RAPGEF4: variants seen among roughly 807,000 people sequenced by gnomAD.
RAPGEF4 encodes the protein Rap guanine nucleotide exchange factor 4.
A neutral mutation model predicts 147.9 loss-of-function variants in RAPGEF4; 66 were observed. That is an observed-to-expected ratio of 0.45 (90% confidence interval 0.37 to 0.55). The LOEUF is 0.55. Ranked by LOEUF, RAPGEF4 falls within the 20% of genes least tolerant of loss-of-function variation. RAPGEF4 has a pLI of 0.00. For synonymous variants in RAPGEF4, 419 were observed against 442.7 expected (o/e 0.95, Z 0.67); for missense variants, 1,071 against 1,257.3 (o/e 0.85, Z 2.24).
At chr2:172,965,283 C>T in intron 8 of RAPGEF4, 1 of 401,878 alleles carries the variant, frequency 2.5e-6, no homozygotes, top group Non-Finnish European at 4.5e-6. Context: ...GACAATCTCC[C>T]CCTCTAGCGG....
At chr2:172,791,676 T>C (rs545490912) in intron 1 of RAPGEF4, among the ~76,000 whole-genome samples, 73 of 152,292 alleles carry the variant, frequency 4.8e-4, no homozygotes, top group African/African-American at 1.6e-3. Flanking sequence ...CACACAAAAA[T>C]ATCAGGAGAA....
At chr2:172,823,385 A>G (rs1272112228) in intron 4 of RAPGEF4, among the ~76,000 whole-genome samples, 1 of 152,172 alleles carries the variant, frequency 6.6e-6, no homozygotes, top group African/African-American at 2.4e-5. Flanking sequence ...TTGTGATTCC[A>G]AATGTCTGGG....
intron 1 of RAPGEF4, among the ~76,000 whole-genome samples, chr2:172,762,119 A>C (rs1696407631): frequency 6.6e-6 from 1 of 152,212 alleles, no homozygotes; most frequent in Non-Finnish European, 1.5e-5. Flanking sequence ...CGTCTCAAAC[A>C]AACAAACAAA....
At chr2:172,874,418 G>T (rs189010235) in intron 4 of RAPGEF4, among the ~76,000 whole-genome samples, 2 of 152,018 alleles carry the variant, frequency 1.3e-5, no homozygotes, top group South Asian at 2.1e-4. Context: ...CCCACAACAG[G>T]CCCCGGTGTG....
chr2:172,977,971 T>C (rs1867941), intron 10 of RAPGEF4, among the ~76,000 whole-genome samples: 132,949 of 151,842 alleles, frequency 0.88, 59,263 homozygotes, highest in East Asian at 1. Context: ...TTGTTCTTGC[T>C]GTGCTTCTCT....
chr2:172,993,955 C>T (rs1453136333), intron 15 of RAPGEF4, among the ~76,000 whole-genome samples: 5 of 152,350 alleles, frequency 3.3e-5, no homozygotes, highest in South Asian at 2.1e-4. Flanking sequence ...GAGAGGTGAT[C>T]AGGCATCTGG....
intron 4 of RAPGEF4, among the ~76,000 whole-genome samples, chr2:172,838,054 G>C (rs762145520): frequency 1.3e-5 from 2 of 152,120 alleles, no homozygotes; most frequent in African/African-American, 2.4e-5. Context: ...CTTTGGAAAA[G>C]AGCACCCTCT....
intron 4 of RAPGEF4, among the ~76,000 whole-genome samples, chr2:172,816,393 G>T (rs951157928): frequency 6.6e-6 from 1 of 151,606 alleles, no homozygotes; most frequent in African/African-American, 2.4e-5. Context: ...TTTTTTCATG[G>T]TATCTTTTTT....
intron 3 of RAPGEF4, among the ~76,000 whole-genome samples, chr2:172,810,962 G>A (rs1377935417): frequency 1.3e-5 from 2 of 152,312 alleles, no homozygotes; most frequent in South Asian, 4.1e-4. Context: ...TGGGAAATAT[G>A]ATAACAGAAT....
At chr2:172,861,534 C>A (rs1694048421) in intron 4 of RAPGEF4, among the ~76,000 whole-genome samples, 1 of 152,102 alleles carries the variant, frequency 6.6e-6, no homozygotes, top group African/African-American at 2.4e-5. Flanking sequence ...CCCTGGCGAG[C>A]CTAGGTGTTT....
intron 6 of RAPGEF4, among the ~76,000 whole-genome samples, chr2:172,933,257 G>C (rs1204731750): frequency 6.6e-6 from 1 of 152,058 alleles, no homozygotes; most frequent in African/African-American, 2.4e-5. Context: ...CAGTGGAGGG[G>C]TGGAAAGTGT....
rs4972859 is a variant in RAPGEF4 at position 172,801,637 on chromosome 2, C to T, written c.297+4024C>T. On this transcript the variant is annotated intron_variant, in intron 3 of 30. Transcript: ENST00000397081. Reference sequence around the variant, plus strand: ...CTCATTTTAGAGGCTAGATATTCAACAGCTTGCCCAAGGTCATAAAGCTGC... The same window carrying T: ...CTCATTTTAGAGGCTAGATATTCAATAGCTTGCCCAAGGTCATAAAGCTGC... 3.9e-3 allele frequency among the ~76,000 whole-genome samples: 553 copies of T among 143,066 alleles called. 13 individuals carry two copies. The highest frequency in any genetic ancestry group is 0.031 in the Admixed American group (440 of 14,226). The allele number at this position is 143,066 out of a possible 152,430, so 93.9% of individuals were successfully genotyped here.
At chr2:172,988,929 G>C in intron 14 of RAPGEF4, 90 bp downstream of exon 14, 1 of 1,394,498 alleles carries the variant, frequency 7.2e-7, no homozygotes. Context: ...TAATTGAGTA[G>C]TCCTGTGATG....
At chr2:173,037,806 C>A (rs1321962540) in intron 29 of RAPGEF4, among the ~76,000 whole-genome samples, 1 of 152,130 alleles carries the variant, frequency 6.6e-6, no homozygotes, top group Non-Finnish European at 1.5e-5. Flanking sequence ...GAGTCGGTTT[C>A]CCCAACAGAA....
In RAPGEF4 at chr2:172,973,142, C is replaced by A. The variant is rs1235209368; in HGVS notation, c.1004+5698C>A. Among the ~76,000 whole-genome samples the A allele has an allele frequency of 3.4e-5, 5 of 148,568 alleles. No individual in the cohort carries two copies. In the Admixed American group the frequency reaches 3.4e-4, roughly 10 times the overall value. ...TTTTTTCTTTTTTTGAGACAGGGTC[C>A]CACTCTGTCACCCAGGCTGGAGTGC... On this transcript the variant is annotated intron_variant, in intron 10 of 30. Coordinates refer to ENST00000397081, the MANE Select transcript of RAPGEF4 (RefSeq NM_007023.4).
chr2:172,854,036 A>G (rs1189336443), intron 4 of RAPGEF4, among the ~76,000 whole-genome samples: 3 of 152,018 alleles, frequency 2.0e-5, no homozygotes, highest in East Asian at 1.9e-4. Context: ...TGGTAAATCT[A>G]TCATGCACAC....
At chr2:172,804,079 C>G (rs1452392180) in intron 3 of RAPGEF4, among the ~76,000 whole-genome samples, 1 of 151,850 alleles carries the variant, frequency 6.6e-6, no homozygotes, top group African/African-American at 2.4e-5. Context: ...GGTGGGGACA[C>G]AGCCAAACTG....
Position 173,014,594 on chromosome 2 carries a change from G to T in RAPGEF4, c.1789G>T (p.Val597Leu), listed in dbSNP as rs760538481. 1.2e-6 allele frequency: 2 copies of T among 1,613,780 alleles called. No individual in the cohort carries two copies. Among genetic ancestry groups the T allele is most frequent in the Non-Finnish European group, 1.7e-6 (2 of 1,179,894 alleles). The part of the protein sequence containing the change: ...MYGDLLQEDD[V>L]SMAFLEEFYV... ...TGGAGACCTCCTGCAAGAGGATGAC[G>T]TGTCTATGGCCTTCCTGGAGGTAGG... The change falls in exon 18 of 31, where the codon GTG becomes TTG. Residue 597 changes from valine (V) to leucine (L), a missense_variant. Physicochemically the swap from Val to Leu is conservative, Grantham distance 32 (BLOSUM62 1). Coordinates refer to ENST00000397081, the MANE Select transcript of RAPGEF4 (RefSeq NM_007023.4).
intron 4 of RAPGEF4, among the ~76,000 whole-genome samples, chr2:172,881,683 G>C (rs1328189655): frequency 6.6e-6 from 1 of 152,148 alleles, no homozygotes; most frequent in Admixed American, 6.5e-5. Context: ...TGTCAGCAAG[G>C]CTTAAATAGT....
Sources: gnomAD v4.1 joint callset for allele counts (sites outside exome capture counted in the v4.1 genomes callset) on GRCh38, gnomAD v4.1.1 for gene constraint, MANE v1.5 for transcripts, NCBI Gene and HGNC (gene_info 2026-07-23, HGNC 2026-07-21) for gene names.